LOC400499: variants seen among roughly 807,000 people sequenced by gnomAD.
chr16:11,416,112 T>C, the LOC400499 span, among the ~76,000 whole-genome samples: 1 of 152,036 alleles, frequency 6.6e-6, no homozygotes, highest in South Asian at 2.1e-4. Flanking sequence ...TGCACCACCA[T>C]GCTCAGCTAA....
the LOC400499 span, among the ~76,000 whole-genome samples, chr16:11,397,401 G>A: frequency 2.0e-5 from 3 of 152,094 alleles, no homozygotes; most frequent in South Asian, 2.1e-4. Flanking sequence ...AGCCTCCTGA[G>A]TAGCTAGGAC....
chr16:11,447,142 C>T, the LOC400499 span, among the ~76,000 whole-genome samples: 16 of 152,296 alleles, frequency 1.1e-4, no homozygotes, highest in South Asian at 2.1e-4. Flanking sequence ...GGGTCCCCGT[C>T]GCCATTTGAC....
chr16:11,472,521 G>A, the LOC400499 span: 4 of 152,178 alleles, frequency 2.6e-5, no homozygotes, highest in Non-Finnish European at 5.9e-5. Flanking sequence ...AAGAGTGTCA[G>A]GCAATACTGT....
the LOC400499 span, chr16:11,384,047 C>G: frequency 3.2e-6 from 4 of 1,231,682 alleles, no homozygotes; most frequent in African/African-American, 6.2e-5. Context: ...TCCTGCTGGA[C>G]CATGTGGCTC....
At chr16:11,515,981 G>A in the LOC400499 span, 11 of 399,538 alleles carry the variant, frequency 2.8e-5, no homozygotes, top group African/African-American at 2.3e-4. Context: ...CCTGCGCAGG[G>A]AGCACCGTGC....
At chr16:11,378,695 C>G in the LOC400499 span, among the ~76,000 whole-genome samples, 1 of 152,114 alleles carries the variant, frequency 6.6e-6, no homozygotes, top group African/African-American at 2.4e-5. Flanking sequence ...TTCTTTGATC[C>G]ACTGGTTTTG....
the LOC400499 span, among the ~76,000 whole-genome samples, chr16:11,456,465 C>T: frequency 1.9e-3 from 285 of 152,172 alleles, 1 homozygote; most frequent in African/African-American, 6.6e-3. Context: ...TGCAGGATAA[C>T]GAGCAAGGGG....
the LOC400499 span, chr16:11,456,768 G>C: frequency 7.0e-7 from 1 of 1,421,770 alleles, no homozygotes; most frequent in Non-Finnish European, 9.6e-7. Flanking sequence ...AAAAGGAAAA[G>C]GTGTTCCAGG....
At chr16:11,454,519 A>G in the LOC400499 span, among the ~76,000 whole-genome samples, 32 of 152,242 alleles carry the variant, frequency 2.1e-4, 1 homozygote, top group Non-Finnish European at 3.7e-4. Context: ...ACATGACAAA[A>G]GAGGCAGAGA....
At chr16:11,480,898 A>G in the LOC400499 span, among the ~76,000 whole-genome samples, 1 of 152,216 alleles carries the variant, frequency 6.6e-6, no homozygotes, top group Non-Finnish European at 1.5e-5. Flanking sequence ...GTCAGACACA[A>G]AAAGAAGTAC....
At chr16:11,445,097 A>AC in the LOC400499 span, among the ~76,000 whole-genome samples, 1 of 151,182 alleles carries the variant, frequency 6.6e-6, no homozygotes, top group Non-Finnish European at 1.5e-5. Context: ...TTTAAAAAAA[A>AC]AAAAAAGAAC....
the LOC400499 span, chr16:11,399,724 C>T: frequency 5.0e-6 from 2 of 398,870 alleles, no homozygotes; most frequent in Middle Eastern, 6.3e-4. Flanking sequence ...GGCGGCCAGG[C>T]AGCCGTCCCA....
chr16:11,463,571 T>C, the LOC400499 span, among the ~76,000 whole-genome samples: 5 of 152,212 alleles, frequency 3.3e-5, no homozygotes, highest in Non-Finnish European at 5.9e-5. Context: ...AACGTATGTA[T>C]ACGGATGTGT....
At chr16:11,473,483 C>G in the LOC400499 span, among the ~76,000 whole-genome samples, 5 of 152,178 alleles carry the variant, frequency 3.3e-5, no homozygotes, top group East Asian at 1.9e-4. Flanking sequence ...CTCATTAAAA[C>G]AGCTCACTCA....
the LOC400499 span, among the ~76,000 whole-genome samples, chr16:11,485,661 T>G: frequency 1.3e-5 from 2 of 152,218 alleles, no homozygotes; most frequent in African/African-American, 4.8e-5. Context: ...CTTTGTTCTA[T>G]CCATCCTTAT....
At chr16:11,441,530 C>T in the LOC400499 span, among the ~76,000 whole-genome samples, 1 of 152,176 alleles carries the variant, frequency 6.6e-6, no homozygotes, top group African/African-American at 2.4e-5. Flanking sequence ...ACTCATTGCA[C>T]GATGACATCC....
the LOC400499 span, chr16:11,423,972 G>A: frequency 2.5e-6 from 1 of 398,018 alleles, no homozygotes; most frequent in East Asian, 3.6e-5. Context: ...GCTGCGCGGA[G>A]CTGCTCGCCA....
chr16:11,495,124 C>T, the LOC400499 span, among the ~76,000 whole-genome samples: 6 of 151,890 alleles, frequency 4.0e-5, no homozygotes, highest in African/African-American at 1.5e-4. Flanking sequence ...CACAAGAATC[C>T]CTTGAACCCG....
the LOC400499 span, chr16:11,396,393 A>G: frequency 2.0e-6 from 2 of 982,214 alleles, no homozygotes; most frequent in Non-Finnish European, 2.6e-6. Flanking sequence ...GCAGTTCCTC[A>G]GATAGCCACT....
Sources: allele counts gnomAD v4.1 joint callset (sites outside exome capture counted in the v4.1 genomes callset), GRCh38; gene constraint gnomAD v4.1.1; transcripts MANE v1.5.